Variants in MYH7 observed in about 807,000 individuals in gnomAD.
MYH7 encodes myosin heavy chain 7, also known as myosin-7.
Under a neutral mutation model 225.4 loss-of-function variants are expected in MYH7, and 129 were observed. That is an observed-to-expected ratio of 0.57 (90% CI 0.50 to 0.66). The LOEUF (loss-of-function observed/expected upper bound fraction) is 0.66. MYH7 is among the 30% of genes least tolerant of loss of function. The pLI, the probability that MYH7 is intolerant of heterozygous loss-of-function variation, is 0.00. For missense variants in MYH7, 1,649 were observed against 2,517.0 expected (o/e 0.66, Z 7.38); for synonymous variants, 971 against 1,007.6 (o/e 0.96, Z 0.69).
In MYH7 at chr14:23,433,045, G is replaced by T; in HGVS notation, c.345+39C>A. The T allele has an allele frequency of 6.2e-7, 1 of 1,613,894 alleles. No individual in the cohort carries two copies. Among genetic ancestry groups the T allele is most frequent in the Non-Finnish European group, 8.5e-7 (1 of 1,179,914 alleles). On this transcript the variant is annotated intron_variant, in intron 4 of 39. Transcript: ENST00000355349. This position sits in a 1 kb window ranked among gnomAD's most constrained non-coding sequence, Gnocchi z 4.1. ...CCTGGGGTGGACATGGATGGAGCAAGAACAGAGATCCCAACGTAGGGCCAG... is the reference window on the plus strand; with the variant it reads ...CCTGGGGTGGACATGGATGGAGCAATAACAGAGATCCCAACGTAGGGCCAG...
intron 24 of MYH7, among the ~76,000 whole-genome samples, chr14:23,422,632 C>CTTTTT (rs33928947): frequency 1.7e-5 from 2 of 116,108 alleles, no homozygotes; most frequent in South Asian, 2.7e-4. Context: ...TTCCTTCCTC[C>CTTTTT]TTTTTTTTTT....
At chr14:23,428,426 G>A (rs1892783334) in intron 15 of MYH7, 74 bp downstream of exon 15, 3 of 1,604,546 alleles carry the variant, frequency 1.9e-6, no homozygotes, top group Non-Finnish European at 2.6e-6. Context: ...AGAAGGGAGA[G>A]GGGCTGCTAT....
intron 25 of MYH7, chr14:23,421,730 A>G (rs1892480418): frequency 2.0e-6 from 2 of 985,142 alleles, no homozygotes; most frequent in East Asian, 1.1e-4. Context: ...TGGAACCACA[A>G]GTTAAGCAAA....
At position 23,424,151 on chromosome 14, in the gene MYH7, T is replaced by C. The variant is rs201213573; in HGVS notation, c.2680-2A>G. The C allele has an allele frequency of 6.2e-7, 1 of 1,614,126 alleles. No homozygotes were observed. Among genetic ancestry groups the C allele is most frequent in the East Asian group, 2.2e-5 (1 of 44,886 alleles). On this transcript the variant is annotated splice_acceptor_variant, in intron 22 of 39. Coordinates refer to ENST00000355349, the MANE Select transcript of MYH7 (RefSeq NM_000257.4). LOFTEE classifies it high-confidence loss of function. ...AGCATCTGCCAGGTTGTCTTGTTCC[T>C]GAAGGTGAGGAACAGAGGGGAGGCT... is the stretch of plus-strand genomic sequence containing the variant.
intron 18 of MYH7, 35 bp downstream of exon 18, chr14:23,426,742 C>T: frequency 6.3e-7 from 1 of 1,588,492 alleles, no homozygotes; most frequent in Non-Finnish European, 8.6e-7. Flanking sequence ...GCGGTGTATG[C>T]CCAGCAGTGG....
In MYH7 at chr14:23,416,328, G is replaced by A. The variant is rs778453839; in HGVS notation, c.4645-16C>T. The stretch of plus-strand genomic sequence containing the variant: ...CCAGGGAGGCCTGGGAAGGGGTTGG[G>A]GGAGGGGATGCAGGCAGACAGTCAG... On this transcript the variant is annotated splice_polypyrimidine_tract_variant and intron_variant, in intron 33 of 39. Transcript: ENST00000355349. 9.9e-6 allele frequency: 16 copies of A among 1,610,992 alleles called. No homozygotes were observed. The highest frequency in any genetic ancestry group is 1.3e-5 in the Non-Finnish European group (15 of 1,178,058).
At chr14:23,427,088 G>A (rs1425960924) in intron 17 of MYH7, 152 bp downstream of exon 17, 1 of 841,356 alleles carries the variant, frequency 1.2e-6, no homozygotes, top group East Asian at 2.5e-5. Context: ...GCCAGGAGAT[G>A]ACGGGAAGAG....
In MYH7 at chr14:23,425,029, AGGGGC is replaced by A; in HGVS notation, c.2424-10_2424-6del. On this transcript the variant is annotated splice_polypyrimidine_tract_variant and splice_region_variant and intron_variant, in intron 21 of 39. Transcript: ENST00000355349. This position sits in a 1 kb window ranked among gnomAD's most constrained non-coding sequence, Gnocchi z 4.6. ...TGGATTACCAGCAGGGAGTCTCTGCAGGGGCCCATTGAAAGGAGTGCTGAGCCTCC... is the reference window on the plus strand; with the variant it reads ...TGGATTACCAGCAGGGAGTCTCTGCACCATTGAAAGGAGTGCTGAGCCTCC... The A allele has an allele frequency of 6.2e-7, 1 of 1,614,180 alleles. No individual in the cohort carries two copies. The highest frequency in any genetic ancestry group is 8.5e-7 in the Non-Finnish European group (1 of 1,180,024).
Position 23,426,043 on chromosome 14 carries a change from A to G in MYH7, c.2083T>C (p.Cys695Arg). 6.2e-7 allele frequency: 1 copy of G among 1,614,218 alleles called. No homozygotes were observed. Among genetic ancestry groups the G allele is most frequent in the Non-Finnish European group, 8.5e-7 (1 of 1,180,032 alleles). Residue 695 changes from cysteine (C) to arginine (R), a missense_variant, in exon 19 of 40, where the codon TGC becomes CGC. Physicochemically the swap from Cys to Arg is radical, Grantham distance 180 (BLOSUM62 -3). Transcript: ENST00000355349. Reference sequence around the variant, plus strand: ...CGGATGCCCTCCAGCACACCATTGCAGCGCAGCTGGTGCATGACCAGGGGG... The same window carrying G: ...CGGATGCCCTCCAGCACACCATTGCGGCGCAGCTGGTGCATGACCAGGGGG... ...DNPLVMHQLR[C>R]NGVLEGIRIC...
At position 23,419,950 on chromosome 14, in the gene MYH7, G is replaced by A. The variant is rs529700838; in HGVS notation, c.3621C>T (p.Ile1207=). ...ADSVAELGEQ[I]DNLQRVKQKL... is the part of the protein sequence containing the mutation. ...TCTGCTTCACCCGCTGCAGGTTGTC[G>A]ATCTGCTCGCCCAGCTCGGCCACGC... The change falls in exon 27 of 40, where the codon ATC becomes ATT. Residue 1207 remains isoleucine (I), a synonymous_variant. Coordinates refer to ENST00000355349, the MANE Select transcript of MYH7 (RefSeq NM_000257.4). 67 of 1,609,270 alleles carry A rather than the reference G, an allele frequency of 4.2e-5. No individual in the cohort carries two copies. The East Asian group carries it at 8.5e-4, about 20-fold the overall frequency.
At chr14:23,413,933 T>G (rs1595070609) in intron 38 of MYH7, 40 bp from the exon 39 acceptor site, 1 of 1,614,208 alleles carries the variant, frequency 6.2e-7, no homozygotes, top group Non-Finnish European at 8.5e-7. Flanking sequence ...GGGGCCTGGG[T>G]TCTCAGACTC....
In MYH7 at chr14:23,429,237, C is replaced by T; in HGVS notation, c.1249G>A (p.Val417Ile). Reference sequence around the variant, plus strand: ...TCTGAAGATGGACCCACCTGCTGGACATTCTGCCCCTTGGTGACGTACTCA... The same window carrying T: ...TCTGAAGATGGACCCACCTGCTGGATATTCTGCCCCTTGGTGACGTACTCA... ...GNEYVTKGQN[V>I]QQVIYATGAL... Residue 417 changes from valine to isoleucine, a missense_variant, in exon 13 of 40, where the codon GTC (valine) becomes ATC (isoleucine). Val to Ile is a conservative substitution (Grantham distance 29). This residue lies in a region of MYH7 where 76 missense variants were observed against 233.8 expected (regional missense o/e 0.33). Transcript: ENST00000355349. The T allele has an allele frequency of 6.2e-7, 1 of 1,614,228 alleles. No individual in the cohort carries two copies. The highest frequency in any genetic ancestry group is 1.1e-5 in the South Asian group (1 of 91,088).
intron 4 of MYH7, 113 bp from the exon 5 acceptor site, chr14:23,432,908 T>G: frequency 6.6e-7 from 1 of 1,518,168 alleles, no homozygotes; most frequent in Non-Finnish European, 9.1e-7. Flanking sequence ...AACCTCTGCA[T>G]GCACTCAATC....
chr14:23,415,991 T>A lies in MYH7; in HGVS notation c.4953+13A>T, dbSNP rs373509029. ...CCAGGCCACGTGGAGGCCAGTCCCC[T>A]CTGGGTGAGTACCTTCAACAAGCTC... On this transcript the variant is annotated intron_variant, in intron 34 of 39. Coordinates refer to ENST00000355349, the MANE Select transcript of MYH7 (RefSeq NM_000257.4). The surrounding 1 kb of genome is among the most constrained non-coding windows in gnomAD (Gnocchi z 6.3). 41 of 1,614,142 alleles carry A rather than the reference T, an allele frequency of 2.5e-5. No individual in the cohort carries two copies. In the South Asian group the frequency reaches 4.1e-4, roughly 16 times the overall value.
rs202199570 is a variant in MYH7, at chr14:23,429,951, G to T, written c.1000-38C>A. On this transcript the variant is annotated intron_variant, in intron 11 of 39. Transcript: ENST00000355349. ...CCCATATTGGCGGACCCCAGAAAAAGAAGTATGATGGGTAAGTGAGATCCC... is the reference window on the plus strand; with the variant it reads ...CCCATATTGGCGGACCCCAGAAAAATAAGTATGATGGGTAAGTGAGATCCC... 3.5e-4 allele frequency: 568 copies of T among 1,612,172 alleles called. 1 individual carries two copies. In the African/African-American group the frequency reaches 6.9e-3, roughly 20 times the overall value.
At position 23,433,470 on chromosome 14, in the gene MYH7, C is replaced by G. The variant is rs1357138553; in HGVS notation, c.201+62G>C. 46 of 1,563,764 alleles carry G rather than the reference C, an allele frequency of 2.9e-5. No individual in the cohort carries two copies. The highest frequency in any genetic ancestry group is 3.9e-5 in the Non-Finnish European group (44 of 1,139,260). ...ATGGGCATGGGGCATGGGTGTACCC[C>G]TCTCTGTCCACCCAGGTGTACAGGT... On this transcript the variant is annotated intron_variant, in intron 3 of 39. Coordinates refer to ENST00000355349, the MANE Select transcript of MYH7 (RefSeq NM_000257.4). This position sits in a 1 kb window ranked among gnomAD's most constrained non-coding sequence, Gnocchi z 4.1.
intron 33 of MYH7, 33 bp downstream of exon 33, chr14:23,416,835 T>C (rs1351626505): frequency 3.7e-6 from 6 of 1,613,736 alleles, no homozygotes. Flanking sequence ...GGAGCTCAGC[T>C]CCCTGCACCC....
intron 38 of MYH7, 45 bp downstream of exon 38, chr14:23,413,961 CT>C (rs1566521560): frequency 1.2e-6 from 2 of 1,614,144 alleles, no homozygotes; most frequent in Admixed American, 3.3e-5. Flanking sequence ...GGGGGACGAG[CT>C]CTCCTATGCC....
At chr14:23,420,332 A>C in intron 26 of MYH7, 98 bp from the exon 27 acceptor site, 1 of 1,542,672 alleles carries the variant, frequency 6.5e-7, no homozygotes, top group Admixed American at 1.9e-5. Flanking sequence ...ACAGCAAGTC[A>C]GTTTAGCTCT....
Sources: allele counts gnomAD v4.1 joint callset (sites outside exome capture counted in the v4.1 genomes callset), GRCh38; gene constraint gnomAD v4.1.1; regional missense constraint gnomAD v4.1.1; non-coding constraint Gnocchi (gnomAD v3.1); transcripts MANE v1.5; gene names NCBI Gene and HGNC (gene_info 2026-07-23, HGNC 2026-07-21).